The following PHF19 variants were observed in gnomAD, a reference collection of about 807,000 sequenced individuals.
PHF19 encodes the protein polycomb like 3.
Under a neutral mutation model 79.8 loss-of-function variants are expected in PHF19, and 21 were observed. The ratio of observed to expected loss-of-function variants is 0.26; its 90% confidence interval spans 0.19 to 0.38. The LOEUF is 0.38. Ranked by LOEUF, PHF19 falls within the 10% of genes least tolerant of loss-of-function variation. The probability of loss-of-function intolerance (pLI) is 1.00; values close to 1 mark genes in which losing one functional copy is unlikely to be tolerated. For missense variants in PHF19, 445 were observed against 744.2 expected (o/e 0.60, Z 4.68); for synonymous variants, 273 against 296.3 (o/e 0.92, Z 0.81).
At position 120,862,309 on chromosome 9, in the gene PHF19, C is replaced by G. The variant is rs533598902; in HGVS notation, c.1130+279G>C. 3.3e-5 allele frequency among the ~76,000 whole-genome samples: 5 copies of G among 152,340 alleles called. No homozygotes were observed. The highest frequency in any genetic ancestry group is 2.6e-4 in the Admixed American group (4 of 15,306). ...TCAGCTGAGCCAGGAGAGAGAGGGA[C>G]CCCTCACACACCCTGCCTTCCCCTT... On this transcript the variant is annotated intron_variant, in intron 11 of 14. Transcript: ENST00000373896. The surrounding 1 kb of genome is among the most constrained non-coding windows in gnomAD (Gnocchi z 4.6).
At position 120,891,553 on chromosome 9, in the gene PHF19, G is replaced by A. The variant is rs549766205; in HGVS notation, c.42+3235C>T. Among the ~76,000 whole-genome samples, 2 of 152,180 alleles carry A rather than the reference G, an allele frequency of 1.3e-5. No homozygotes were observed. The highest frequency in any genetic ancestry group is 1.3e-4 in the Admixed American group (2 of 15,288). On this transcript the variant is annotated intron_variant, in intron 1 of 14. Coordinates refer to the PHF19 transcript ENST00000616568. The surrounding 1 kb of genome is among the most constrained non-coding windows in gnomAD (Gnocchi z 4.3). ...GTTCAAGGTGCAGCCCAGGTGGAGC[G>A]CCACCATAATTTACAGCACACGACT...
intron 1 of PHF19, among the ~76,000 whole-genome samples, chr9:120,883,343 G>A (rs913670255): frequency 2.0e-5 from 3 of 152,198 alleles, no homozygotes; most frequent in African/African-American, 7.2e-5. Context: ...AGATAAAGTG[G>A]TGGTTTGTTC....
chr9:120,874,545 G>A lies in PHF19; in HGVS notation c.186+11C>T, dbSNP rs377632131. 3.4e-5 allele frequency: 54 copies of A among 1,567,854 alleles called. No individual in the cohort carries two copies. The East Asian group carries it at 5.6e-4, about 16-fold the overall frequency. On this transcript the variant is annotated intron_variant, in intron 2 of 14. Coordinates refer to ENST00000373896, the MANE Select transcript of PHF19 (RefSeq NM_015651.3). The surrounding 1 kb of genome is among the most constrained non-coding windows in gnomAD (Gnocchi z 4.5). The stretch of plus-strand genomic sequence containing the variant: ...GAGTCTGAGAACAGGGGCCAGAGAG[G>A]ATGGGTTTACCCTCTTGATCTTCCC...
In PHF19 at chr9:120,862,471, T is replaced by TA; in HGVS notation, c.1130+116dup. ...TCTGGGATCCCGCTCAGCCACTATC[T>TA]AGCCCTCTCAGGGTCCTACAGCTGG... On this transcript the variant is annotated intron_variant, in intron 11 of 14. Transcript: ENST00000373896. The surrounding 1 kb of genome is among the most constrained non-coding windows in gnomAD (Gnocchi z 4.6). 3 of 823,128 alleles carry TA rather than the reference T, an allele frequency of 3.6e-6. No individual in the cohort carries two copies. The South Asian group carries it at 4.8e-5, about 13-fold the overall frequency. 51.0% of individuals were successfully genotyped at this position (823,128 alleles called of 1,614,324 possible).
upstream of PHF19, among the ~76,000 whole-genome samples, chr9:120,881,291 G>A (rs1021142516): frequency 2.0e-5 from 3 of 151,722 alleles, no homozygotes; most frequent in African/African-American, 7.3e-5. Flanking sequence ...GGGACTACAG[G>A]CACCCACCAC....
intron 1 of PHF19, chr9:120,876,393 GC>G (rs2046052974): frequency 1.3e-5 from 2 of 152,058 alleles, no homozygotes; most frequent in Non-Finnish European, 2.9e-5. Flanking sequence ...GCCTCTAGGA[GC>G]CGGCCGGGTC....
the PHF19 span, among the ~76,000 whole-genome samples, chr9:120,901,194 T>TA: frequency 8.8e-6 from 1 of 113,538 alleles, no homozygotes; most frequent in Non-Finnish European, 2.2e-5. Context: ...ATACCTGATT[T>TA]CTTTTTTTTG....
chr9:120,862,129 G>C lies in PHF19; in HGVS notation c.1131-124C>G. On this transcript the variant is annotated intron_variant, in intron 11 of 14. Coordinates refer to ENST00000373896, the MANE Select transcript of PHF19 (RefSeq NM_015651.3). This position sits in a 1 kb window ranked among gnomAD's most constrained non-coding sequence, Gnocchi z 4.6. ...GGGGAGACAGGCTCTGAACACAGCT[G>C]CACCTTCACAGGGAGGCCTGGGGAG... 1.3e-6 allele frequency: 1 copy of C among 751,390 alleles called. No homozygotes were observed. Among genetic ancestry groups the C allele is most frequent in the East Asian group, 2.5e-5 (1 of 40,322 alleles). 46.5% of individuals were successfully genotyped at this position (751,390 alleles called of 1,614,324 possible). A position where few individuals can be genotyped will look rare whatever the true frequency, so the allele number is the denominator to read the frequency against.
At chr9:120,879,551 T>G (rs1212153815), upstream of PHF19, among the ~76,000 whole-genome samples, 1 of 152,184 alleles carries the variant, frequency 6.6e-6, no homozygotes, top group Non-Finnish European at 1.5e-5. Context: ...TGCATAAATG[T>G]TCAAATAAGA....
chr9:120,858,163 T>C lies in PHF19; in HGVS notation c.1524A>G (p.Ser508=), dbSNP rs2045401588. 1.3e-5 allele frequency: 21 copies of C among 1,612,934 alleles called. No homozygotes were observed. The highest frequency in any genetic ancestry group is 1.7e-5 in the Non-Finnish European group (20 of 1,179,058). ...CPSDSSAEGA[S]VPERPDEGID... is the part of the protein sequence containing the mutation. ...TGCCTTCGTCTGGCCGCTCGGGGAC[T>C]GAAGCCCCCTCTGCACTGCTGTCCG... The change falls in exon 15 of 15, where the codon TCA becomes TCG. Residue 508 remains serine (S), a synonymous_variant. Coordinates refer to ENST00000373896, the MANE Select transcript of PHF19 (RefSeq NM_015651.3).
intron 1 of PHF19, among the ~76,000 whole-genome samples, chr9:120,875,499 A>T (rs528318128): frequency 2.2e-4 from 34 of 152,206 alleles, no homozygotes; most frequent in Admixed American, 2.2e-3. Context: ...TACTGCCTTC[A>T]TGCATCTCAA....
upstream of PHF19, among the ~76,000 whole-genome samples, chr9:120,895,359 G>A (rs2046392423): frequency 6.6e-6 from 1 of 151,770 alleles, no homozygotes; most frequent in East Asian, 1.9e-4. Flanking sequence ...TGGAGAGGTG[G>A]GAGGATGGAT....
chr9:120,881,524 G>A (rs2046185165), upstream of PHF19, among the ~76,000 whole-genome samples: 1 of 152,142 alleles, frequency 6.6e-6, no homozygotes, highest in African/African-American at 2.4e-5. Context: ...ATGACCAAGT[G>A]TCAAGATGTA....
chr9:120,858,817 A>ACACACT (rs1554816168), intron 14 of PHF19, among the ~76,000 whole-genome samples: 4 of 141,598 alleles, frequency 2.8e-5, no homozygotes, highest in African/African-American at 8.5e-5. Context: ...GACATCACAC[A>ACACACT]CACACACACA....
chr9:120,869,981 G>T lies in PHF19; in HGVS notation c.365-36C>A. The T allele has an allele frequency of 6.5e-7, 1 of 1,546,590 alleles. No homozygotes were observed. Among genetic ancestry groups the T allele is most frequent in the Non-Finnish European group, 8.7e-7 (1 of 1,144,988 alleles). ...GGAGGGGGCGGTGAGCGCCCACAAGGACATCGTGGCCCAAGGCCAGTTGGC... is the reference window on the plus strand; with the variant it reads ...GGAGGGGGCGGTGAGCGCCCACAAGTACATCGTGGCCCAAGGCCAGTTGGC... On this transcript the variant is annotated intron_variant, in intron 4 of 14. Transcript: ENST00000373896. The surrounding 1 kb of genome is among the most constrained non-coding windows in gnomAD (Gnocchi z 5.8).
At chr9:120,900,355 G>A in the PHF19 span, among the ~76,000 whole-genome samples, 7 of 152,228 alleles carry the variant, frequency 4.6e-5, no homozygotes, top group Non-Finnish European at 8.8e-5. Context: ...TGTGATAACA[G>A]GATGTTAAGT....
At position 120,857,736 on chromosome 9, in the gene PHF19, A is replaced by G; in HGVS notation, c.*208T>C. 1 of 517,898 alleles carries G rather than the reference A, an allele frequency of 1.9e-6. No individual in the cohort carries two copies. Among genetic ancestry groups the G allele is most frequent in the South Asian group, 3.1e-5 (1 of 32,012 alleles). The allele number at this position is 517,898 out of a possible 1,614,324, so 32.1% of individuals were successfully genotyped here. ...GTGTAGAGACACAGGCACAGGGGTA[A>G]CGAGCCTGAGGAGGCCCTGGAACAG... On this transcript the variant is annotated 3_prime_UTR_variant, in exon 15 of 15. Coordinates refer to ENST00000373896, the MANE Select transcript of PHF19 (RefSeq NM_015651.3).
chr9:120,882,256 G>T (rs1401412632), intron 1 of PHF19, among the ~76,000 whole-genome samples: 2 of 152,202 alleles, frequency 1.3e-5, no homozygotes, highest in African/African-American at 4.8e-5. Flanking sequence ...CCACCAAAGG[G>T]CCAGAGAGCC....
At chr9:120,888,005 G>A (rs1430057417) in intron 1 of PHF19, among the ~76,000 whole-genome samples, 2 of 152,070 alleles carry the variant, frequency 1.3e-5, no homozygotes, top group Non-Finnish European at 2.9e-5. Flanking sequence ...GTCCCCACAC[G>A]TCTGTCGCCC....
Sources: allele counts gnomAD v4.1 joint callset (sites outside exome capture counted in the v4.1 genomes callset), GRCh38; gene constraint gnomAD v4.1.1; non-coding constraint Gnocchi (gnomAD v3.1); transcripts MANE v1.5; gene names NCBI Gene and HGNC (gene_info 2026-07-23, HGNC 2026-07-21).